TRIM33: variants seen among roughly 807,000 people sequenced by gnomAD.
The protein encoded by TRIM33 is tripartite motif containing 33, also known as E3 ubiquitin-protein ligase TRIM33.
TRIM33 carries 20 observed loss-of-function variants against 125.4 expected under a neutral mutation model. The observed-to-expected ratio is 0.16, with a 90% CI of 0.11 to 0.23. The LOEUF (loss-of-function observed/expected upper bound fraction) is 0.23, where lower values mean the gene tolerates loss of function less well. Ranked by LOEUF, TRIM33 falls within the 10% of genes least tolerant of loss-of-function variation. The probability of loss-of-function intolerance (pLI) is 1.00; values close to 1 mark genes in which losing one functional copy is unlikely to be tolerated. For missense variants in TRIM33, 920 were observed against 1,411.4 expected, an observed-to-expected ratio of 0.65 and a Z score of 5.58; for synonymous variants, 564 against 513.9, an observed-to-expected ratio of 1.10 and a Z score of -1.32.
intron 4 of TRIM33, among the ~76,000 whole-genome samples, chr1:114,437,445 TCTC>T (rs2101219890): frequency 6.6e-6 from 1 of 152,276 alleles, no homozygotes; most frequent in South Asian, 2.1e-4. Flanking sequence ...TGCAAGCGAT[TCTC>T]CTGCCTCAGC....
chr1:114,416,629 T>A (rs911407432), intron 11 of TRIM33, among the ~76,000 whole-genome samples: 1 of 152,204 alleles, frequency 6.6e-6, no homozygotes, highest in African/African-American at 2.4e-5. Context: ...CACTAAAGTA[T>A]AATTCAGTCC....
Position 114,397,620 on chromosome 1 carries a change from T to TTTTAA in TRIM33, c.*27_*28insTTAAA. 1.7e-6 allele frequency: 2 copies of TTTTAA among 1,197,246 alleles called. No individual in the cohort carries two copies. Among genetic ancestry groups the TTTTAA allele is most frequent in the Non-Finnish European group, 2.4e-6 (2 of 840,724 alleles). The allele number at this position is 1,197,246 out of a possible 1,614,324, so 74.2% of individuals were successfully genotyped here. ...TTTTTTTTTTTCGTTTTTTTTTTTT[T>TTTTAA]AAACAATTGATTTAAATCCATGTCA... is the stretch of plus-strand genomic sequence containing the variant. On this transcript the variant is annotated 3_prime_UTR_variant, in exon 20 of 20. Transcript: ENST00000358465.
At chr1:114,443,304 A>T (rs1327209447) in intron 4 of TRIM33, among the ~76,000 whole-genome samples, 1 of 152,124 alleles carries the variant, frequency 6.6e-6, no homozygotes, top group Non-Finnish European at 1.5e-5. Flanking sequence ...GAATCGCTTG[A>T]ACTCAAGAGG....
chr1:114,431,282 C>CA (rs1456947119), intron 5 of TRIM33, among the ~76,000 whole-genome samples: 1 of 152,024 alleles, frequency 6.6e-6, no homozygotes, highest in Non-Finnish European at 1.5e-5. Flanking sequence ...GAACAATGTG[C>CA]AAAAGGACAA....
At chr1:114,433,208 T>A (rs1219276690) in intron 5 of TRIM33, among the ~76,000 whole-genome samples, 1 of 152,232 alleles carries the variant, frequency 6.6e-6, no homozygotes, top group Non-Finnish European at 1.5e-5. Flanking sequence ...ATTCATCTTA[T>A]AATGCTACTC....
chr1:114,464,746 C>A (rs949274818), intron 1 of TRIM33, among the ~76,000 whole-genome samples: 1 of 152,064 alleles, frequency 6.6e-6, no homozygotes, highest in Admixed American at 6.5e-5. Flanking sequence ...GTTTGTCCAG[C>A]GGGTCCTAAA....
chr1:114,401,347 T>A (rs1261569020), intron 17 of TRIM33, 42 bp downstream of exon 17: 1 of 1,559,840 alleles, frequency 6.4e-7, no homozygotes. Flanking sequence ...CTCTTAAGTA[T>A]TATGAGACTT....
At chr1:114,482,748 T>A (rs1376809953) in intron 1 of TRIM33, among the ~76,000 whole-genome samples, 1 of 152,170 alleles carries the variant, frequency 6.6e-6, no homozygotes, top group Non-Finnish European at 1.5e-5. Flanking sequence ...GAGATCTGGT[T>A]GTTTGAAAGT....
At chr1:114,461,463 C>T (rs2101372076) in intron 4 of TRIM33, among the ~76,000 whole-genome samples, 2 of 151,508 alleles carry the variant, frequency 1.3e-5, no homozygotes, top group East Asian at 3.9e-4. Flanking sequence ...TTTCTGGACA[C>T]CAAGCTGGCG....
intron 4 of TRIM33, 34 bp downstream of exon 4, chr1:114,463,070 A>G: frequency 6.5e-7 from 1 of 1,528,508 alleles, no homozygotes; most frequent in Non-Finnish European, 8.8e-7. Flanking sequence ...CACTTTTTAT[A>G]GTATTTCCTG....
chr1:114,445,557 G>A (rs1398620058), intron 4 of TRIM33, among the ~76,000 whole-genome samples: 1 of 152,054 alleles, frequency 6.6e-6, no homozygotes, highest in African/African-American at 2.4e-5. Context: ...TCTGTTTTGA[G>A]GAATAATGGC....
intron 17 of TRIM33, among the ~76,000 whole-genome samples, chr1:114,400,038 A>G (rs187455590): frequency 2.6e-5 from 4 of 152,326 alleles, no homozygotes; most frequent in African/African-American, 7.2e-5. Flanking sequence ...TACATCACGA[A>G]GTCTTGACTT....
At chr1:114,452,154 G>A (rs1228609720) in intron 4 of TRIM33, among the ~76,000 whole-genome samples, 1 of 152,072 alleles carries the variant, frequency 6.6e-6, no homozygotes, top group Non-Finnish European at 1.5e-5. Context: ...ATCTAATAAA[G>A]AACAGGAAAT....
chr1:114,425,317 T>C (rs1322489850), intron 9 of TRIM33, 132 bp downstream of exon 9: 1 of 1,222,322 alleles, frequency 8.2e-7, no homozygotes. Context: ...ATAGCAAATA[T>C]TTAAACTCTG....
At chr1:114,457,824 G>A (rs1035721809) in intron 4 of TRIM33, among the ~76,000 whole-genome samples, 5 of 152,160 alleles carry the variant, frequency 3.3e-5, no homozygotes, top group African/African-American at 4.8e-5. Flanking sequence ...TCAACTCAGC[G>A]GGCATGTGAT....
chr1:114,496,646 A>AT (rs933559908), intron 1 of TRIM33, among the ~76,000 whole-genome samples: 6 of 151,936 alleles, frequency 3.9e-5, no homozygotes, highest in Non-Finnish European at 5.9e-5. Flanking sequence ...TAATTGAGTA[A>AT]TTTTTTTTGT....
intron 15 of TRIM33, chr1:114,404,909 G>C (rs946902287): frequency 6.6e-6 from 1 of 150,396 alleles, no homozygotes; most frequent in African/African-American, 2.4e-5. Flanking sequence ...GGACAAGAGA[G>C]GAAGGAGAAG....
chr1:114,443,613 C>A (rs1648797266), intron 4 of TRIM33, among the ~76,000 whole-genome samples: 1 of 152,164 alleles, frequency 6.6e-6, no homozygotes, highest in African/African-American at 2.4e-5. Context: ...CATAAACTAT[C>A]TTACTCTTTA....
intron 4 of TRIM33, 80 bp from the exon 5 acceptor site, chr1:114,433,813 C>A: frequency 2.3e-6 from 2 of 859,584 alleles, no homozygotes; most frequent in East Asian, 2.5e-5. Flanking sequence ...CTAAATGAGT[C>A]AATCTTGAAA....
Sources: gnomAD v4.1 joint callset for allele counts (sites outside exome capture counted in the v4.1 genomes callset) on GRCh38, gnomAD v4.1.1 for gene constraint, MANE v1.5 for transcripts, NCBI Gene and HGNC (gene_info 2026-07-23, HGNC 2026-07-21) for gene names.